The following RMDN2 variants were observed in gnomAD, a reference collection of about 807,000 sequenced individuals.
The protein encoded by RMDN2 is regulator of microtubule dynamics protein 2.
Under a neutral mutation model 52.8 loss-of-function variants are expected in RMDN2, and 61 were observed. That is an observed-to-expected ratio of 1.16 (90% CI 0.94 to 1.43). The LOEUF (loss-of-function observed/expected upper bound fraction) is 1.43. Ranked by LOEUF, RMDN2 falls within the 40% of genes most tolerant of loss-of-function variation. The pLI, the probability that RMDN2 is intolerant of heterozygous loss-of-function variation, is 0.00. For missense variants in RMDN2, 592 were observed against 475.3 expected (o/e 1.25, Z -2.28); for synonymous variants, 180 against 153.1 (o/e 1.18, Z -1.30).
intron 10 of RMDN2, among the ~76,000 whole-genome samples, chr2:38,013,649 A>G (rs1573097499): frequency 6.6e-6 from 1 of 152,370 alleles, no homozygotes; most frequent in Middle Eastern, 3.4e-3. Context: ...TAATTAAGAT[A>G]TCATATTTGA....
At chr2:38,057,171 T>C (rs764043487) in intron 10 of RMDN2, among the ~76,000 whole-genome samples, 8 of 152,188 alleles carry the variant, frequency 5.3e-5, no homozygotes, top group Non-Finnish European at 1.2e-4. Context: ...CTGTGAGAAA[T>C]AGATGGTGCA....
chr2:37,962,018 G>C (rs1375018753), intron 2 of RMDN2, among the ~76,000 whole-genome samples: 2 of 152,254 alleles, frequency 1.3e-5, no homozygotes, highest in African/African-American at 2.4e-5. Context: ...ATCACCAGCA[G>C]AGGCTGCAGA....
intron 10 of RMDN2, among the ~76,000 whole-genome samples, chr2:38,066,146 G>A (rs571414379): frequency 6.6e-6 from 1 of 152,254 alleles, no homozygotes; most frequent in East Asian, 1.9e-4. Flanking sequence ...TTACTTTATC[G>A]CATCCCTCTG....
At chr2:37,986,857 T>C (rs890010822) in intron 5 of RMDN2, among the ~76,000 whole-genome samples, 3 of 151,962 alleles carry the variant, frequency 2.0e-5, no homozygotes, top group African/African-American at 7.2e-5. Flanking sequence ...AACATACAGC[T>C]AACATTATAC....
chr2:38,000,814 A>G (rs2125177025), intron 8 of RMDN2, among the ~76,000 whole-genome samples: 1 of 152,370 alleles, frequency 6.6e-6, no homozygotes, highest in Admixed American at 6.5e-5. Context: ...ATTCAAATGC[A>G]AGTTTGGTAT....
At chr2:37,935,416 A>G (rs1216726822) in intron 2 of RMDN2, among the ~76,000 whole-genome samples, 2 of 152,260 alleles carry the variant, frequency 1.3e-5, no homozygotes, top group Non-Finnish European at 2.9e-5. Context: ...GTGGAACTTC[A>G]GTTGTTCAAA....
chr2:38,050,255 A>G (rs979798846), intron 10 of RMDN2, among the ~76,000 whole-genome samples: 14 of 151,898 alleles, frequency 9.2e-5, no homozygotes, highest in African/African-American at 3.1e-4. Flanking sequence ...CTTCACTTCT[A>G]CAACCAACTT....
chr2:37,987,274 T>C (rs576457820), intron 5 of RMDN2, among the ~76,000 whole-genome samples: 3 of 152,210 alleles, frequency 2.0e-5, no homozygotes, highest in Admixed American at 2.0e-4. Flanking sequence ...GTACAAGATC[T>C]CTATGAGAAA....
intron 10 of RMDN2, among the ~76,000 whole-genome samples, chr2:38,014,709 G>T (rs1327905859): frequency 1.3e-5 from 2 of 152,134 alleles, no homozygotes; most frequent in Non-Finnish European, 2.9e-5. Context: ...CTATATTTTT[G>T]AATATGTGTG....
At chr2:37,933,153 C>A (rs1393826099) in intron 2 of RMDN2, among the ~76,000 whole-genome samples, 3 of 151,684 alleles carry the variant, frequency 2.0e-5, no homozygotes, top group Non-Finnish European at 4.4e-5. Context: ...GGCAGAGGTG[C>A]TCCTCACATC....
intron 10 of RMDN2, among the ~76,000 whole-genome samples, chr2:38,061,294 G>T (rs1026348679): frequency 6.6e-6 from 1 of 152,106 alleles, no homozygotes; most frequent in African/African-American, 2.4e-5. Flanking sequence ...ATTGGAATGA[G>T]CTCAAGAGTC....
At chr2:38,020,317 G>T (rs115973990), downstream of RMDN2, among the ~76,000 whole-genome samples, 1,094 of 152,158 alleles carry the variant, frequency 7.2e-3, 15 homozygotes, top group African/African-American at 0.025. Flanking sequence ...GACCGTGACA[G>T]ACCTATCAGG....
chr2:37,951,196 A>T, intron 2 of RMDN2: 1 of 1,511,174 alleles, frequency 6.6e-7, no homozygotes, highest in Non-Finnish European at 8.8e-7. Context: ...TCTGCTCCCT[A>T]TTTTTTTTCC....
At chr2:37,927,597 T>C (rs1453356239) in intron 1 of RMDN2, among the ~76,000 whole-genome samples, 5 of 152,330 alleles carry the variant, frequency 3.3e-5, no homozygotes, top group African/African-American at 1.2e-4. Flanking sequence ...GTCCAAGGTA[T>C]GGGCAAAAGA....
At chr2:37,947,177 GT>G (rs1668289799) in intron 2 of RMDN2, among the ~76,000 whole-genome samples, 1 of 152,032 alleles carries the variant, frequency 6.6e-6, no homozygotes, top group Admixed American at 6.6e-5. Context: ...CTGTTAGGTA[GT>G]TTCTCATCCC....
chr2:37,970,092 C>T (rs1287846662), intron 2 of RMDN2, among the ~76,000 whole-genome samples: 1 of 152,026 alleles, frequency 6.6e-6, no homozygotes, highest in Non-Finnish European at 1.5e-5. Context: ...GCCACTAAAC[C>T]CAGCTAATTT....
At chr2:37,949,396 GGCAAGTGTCCTT>G (rs1446510036) in intron 2 of RMDN2, among the ~76,000 whole-genome samples, 1 of 152,164 alleles carries the variant, frequency 6.6e-6, no homozygotes, top group Non-Finnish European at 1.5e-5. Flanking sequence ...CCACTGTGAA[GGCAAGTGTCCTT>G]GGGCCCTCTG....
Position 37,989,547 on chromosome 2 carries a change from A to G in RMDN2, c.798A>G (p.Ala266=). ...CTGTTTTTGTCCTTTTCAGGTATGC[A>G]GTTTTGTGTGGCTATGTATCTGAGT... is the stretch of plus-strand genomic sequence containing the variant. ...PMNGHCHLWY[A]VLCGYVSEFE... The change falls in exon 6 of 11, where the codon GCA becomes GCG. Residue 266 remains alanine, a synonymous_variant. Transcript: ENST00000354545. The G allele has an allele frequency of 6.2e-7, 1 of 1,610,850 alleles. No individual in the cohort carries two copies. The highest frequency in any genetic ancestry group is 8.5e-7 in the Non-Finnish European group (1 of 1,178,540).
chr2:38,045,193 C>T (rs1681197264), intron 10 of RMDN2, among the ~76,000 whole-genome samples: 1 of 152,152 alleles, frequency 6.6e-6, no homozygotes, highest in African/African-American at 2.4e-5. Flanking sequence ...CTTTAGAATG[C>T]AGGCTTCTGA....
Sources: gnomAD v4.1 joint callset for allele counts (sites outside exome capture counted in the v4.1 genomes callset) on GRCh38, gnomAD v4.1.1 for gene constraint, MANE v1.5 for transcripts, NCBI Gene and HGNC (gene_info 2026-07-23, HGNC 2026-07-21) for gene names.